Variants in MEOX2 observed in about 807,000 individuals in gnomAD.
MEOX2 encodes the protein mesenchyme homeobox 2.
MEOX2 carries 11 observed loss-of-function variants against 27.0 expected under a neutral mutation model. The observed-to-expected ratio is 0.41, with a 90% CI of 0.26 to 0.68. MEOX2 has a LOEUF of 0.68. MEOX2 is among the 30% of genes least tolerant of loss of function. The pLI, the probability that MEOX2 is intolerant of heterozygous loss-of-function variation, is 0.33. For synonymous variants in MEOX2, 189 were observed against 155.4 expected (o/e 1.22, Z -1.61); for missense variants, 436 against 385.4 (o/e 1.13, Z -1.10).
In MEOX2 at chr7:15,611,609, A is replaced by T. The variant is rs1231509915; in HGVS notation, c.*778T>A. 1 of 152,604 alleles carries T rather than the reference A, an allele frequency of 6.6e-6. No individual in the cohort carries two copies. The highest frequency in any genetic ancestry group is 1.5e-5 in the Non-Finnish European group (1 of 68,028). The allele number at this position is 152,604 out of a possible 1,614,324, so 9.5% of individuals were successfully genotyped here. A position where few individuals can be genotyped will look rare whatever the true frequency, so the allele number is the denominator to read the frequency against. The stretch of plus-strand genomic sequence containing the variant: ...AACGTATTAGCAGCAGTTGATAGTA[A>T]ATGCAACATAAGATTTGTTTTGTCT... On this transcript the variant is annotated 3_prime_UTR_variant, in exon 3 of 3. Coordinates refer to ENST00000262041, the MANE Select transcript of MEOX2 (RefSeq NM_005924.5).
chr7:15,671,706 T>A (rs1782100079), intron 1 of MEOX2, among the ~76,000 whole-genome samples: 1 of 152,120 alleles, frequency 6.6e-6, no homozygotes, highest in South Asian at 2.1e-4. Flanking sequence ...ACAGTTTAAA[T>A]CAGTATCATT....
intron 2 of MEOX2, among the ~76,000 whole-genome samples, chr7:15,622,403 T>A (rs1056430364): frequency 2.0e-5 from 3 of 152,150 alleles, no homozygotes; most frequent in South Asian, 2.1e-4. Context: ...GTCCTGTCTT[T>A]GCATTTGAAT....
intron 1 of MEOX2, among the ~76,000 whole-genome samples, chr7:15,633,444 A>G (rs924612296): frequency 6.6e-6 from 1 of 151,936 alleles, no homozygotes; most frequent in South Asian, 2.1e-4. Flanking sequence ...TCTAATTTAC[A>G]GCTGTCAACA....
intron 2 of MEOX2, among the ~76,000 whole-genome samples, chr7:15,620,761 T>G (rs7796353): frequency 0.085 from 12,904 of 152,250 alleles, 651 homozygotes; most frequent in African/African-American, 0.13. Context: ...CAATGGAGTA[T>G]GATCTCGTTA....
At chr7:15,636,645 T>C (rs1288708104) in intron 1 of MEOX2, among the ~76,000 whole-genome samples, 1 of 152,108 alleles carries the variant, frequency 6.6e-6, no homozygotes, top group African/African-American at 2.4e-5. Flanking sequence ...AATTCAATTA[T>C]ACATGCCATA....
chr7:15,663,415 C>A (rs10236046), intron 1 of MEOX2, among the ~76,000 whole-genome samples: 35,904 of 151,456 alleles, frequency 0.24, 4,543 homozygotes, highest in East Asian at 0.31. Flanking sequence ...TCACTGAAAC[C>A]TCCTCCTCCC....
chr7:15,628,176 A>T (rs1387699761), intron 1 of MEOX2, among the ~76,000 whole-genome samples: 1 of 152,090 alleles, frequency 6.6e-6, no homozygotes, highest in African/African-American at 2.4e-5. Context: ...AATGATGCTT[A>T]AATATGCTAA....
At chr7:15,642,877 T>G (rs996733027) in intron 1 of MEOX2, among the ~76,000 whole-genome samples, 2 of 152,176 alleles carry the variant, frequency 1.3e-5, no homozygotes, top group African/African-American at 4.8e-5. Context: ...TATGATTTCC[T>G]TGGCTGTAGA....
intron 1 of MEOX2, among the ~76,000 whole-genome samples, chr7:15,668,542 C>T (rs1030391186): frequency 2.6e-5 from 4 of 151,996 alleles, no homozygotes; most frequent in Non-Finnish European, 5.9e-5. Flanking sequence ...AATGCAGTGG[C>T]GCTATCTCGG....
At chr7:15,625,533 T>C (rs112618180) in intron 2 of MEOX2, among the ~76,000 whole-genome samples, 7 of 152,090 alleles carry the variant, frequency 4.6e-5, no homozygotes, top group African/African-American at 1.2e-4. Flanking sequence ...ATTTAAGAAA[T>C]TGGATAAAAT....
intron 1 of MEOX2, among the ~76,000 whole-genome samples, chr7:15,628,445 C>T (rs6953784): frequency 1.3e-5 from 2 of 151,572 alleles, no homozygotes; most frequent in South Asian, 4.2e-4. Context: ...GGATCACAGA[C>T]TGTTTCACTC....
At chr7:15,661,762 C>T (rs750094172) in intron 1 of MEOX2, among the ~76,000 whole-genome samples, 2 of 152,056 alleles carry the variant, frequency 1.3e-5, no homozygotes, top group East Asian at 1.9e-4. Context: ...CTGAGAGAAG[C>T]GAACGTTCAA....
chr7:15,650,656 C>A (rs899283678), intron 1 of MEOX2, among the ~76,000 whole-genome samples: 4 of 151,866 alleles, frequency 2.6e-5, no homozygotes, highest in African/African-American at 9.7e-5. Flanking sequence ...AGGATCATAT[C>A]ATTGTATACA....
chr7:15,679,322 T>G (rs1782255358), intron 1 of MEOX2: 1 of 152,080 alleles, frequency 6.6e-6, no homozygotes, highest in South Asian at 2.1e-4. Flanking sequence ...ATCCTTTCCT[T>G]GCCATTGTCC....
intron 2 of MEOX2, among the ~76,000 whole-genome samples, chr7:15,618,605 C>T (rs546582783): frequency 1.4e-4 from 21 of 151,936 alleles, no homozygotes; most frequent in Admixed American, 3.3e-4. Flanking sequence ...GCTGAAACAA[C>T]GGAACTAATC....
chr7:15,683,439 T>C (rs1001087433), intron 1 of MEOX2, among the ~76,000 whole-genome samples: 2 of 152,084 alleles, frequency 1.3e-5, no homozygotes, highest in African/African-American at 4.8e-5. Flanking sequence ...CAATTTTATA[T>C]TTTAGAAATA....
intron 1 of MEOX2, among the ~76,000 whole-genome samples, chr7:15,670,198 A>C (rs956302736): frequency 1.3e-5 from 2 of 152,208 alleles, no homozygotes; most frequent in Non-Finnish European, 2.9e-5. Flanking sequence ...CCCATATCTT[A>C]CACATGTGCA....
chr7:15,628,275 G>A (rs747456232), intron 1 of MEOX2, among the ~76,000 whole-genome samples: 2 of 151,996 alleles, frequency 1.3e-5, no homozygotes, highest in African/African-American at 2.4e-5. Context: ...CTGCATAATG[G>A]AAATTCACTA....
chr7:15,662,649 A>C (rs569868776), intron 1 of MEOX2, among the ~76,000 whole-genome samples: 2 of 152,184 alleles, frequency 1.3e-5, no homozygotes, highest in African/African-American at 2.4e-5. Context: ...TAGTGTTATA[A>C]GCCAAATTTT....
Sources: allele counts gnomAD v4.1 joint callset (sites outside exome capture counted in the v4.1 genomes callset), GRCh38; gene constraint gnomAD v4.1.1; transcripts MANE v1.5; gene names NCBI Gene and HGNC (gene_info 2026-07-23, HGNC 2026-07-21).